CDS1: variants seen among roughly 807,000 people sequenced by gnomAD.
CDS1 encodes the protein CDP-diacylglycerol synthase 1, also known as phosphatidate cytidylyltransferase 1.
CDS1 carries 41 observed loss-of-function variants against 62.1 expected under a neutral mutation model. The observed-to-expected ratio is 0.66, with a 90% CI of 0.51 to 0.86. CDS1 has a LOEUF of 0.86. Ranked by LOEUF, CDS1 falls within the 40% of genes least tolerant of loss-of-function variation. The probability of loss-of-function intolerance (pLI) is 0.00; values close to 1 mark genes in which losing one functional copy is unlikely to be tolerated. For missense variants in CDS1, 470 were observed against 550.1 expected (o/e 0.85, Z 1.46); for synonymous variants, 185 against 192.6 (o/e 0.96, Z 0.32).
At chr4:84,642,112 GAT>G (rs1724402618) in intron 10 of CDS1, among the ~76,000 whole-genome samples, 1 of 152,174 alleles carries the variant, frequency 6.6e-6, no homozygotes, top group African/African-American at 2.4e-5. Context: ...TGGATCACCT[GAT>G]GCCAGGAGTT....
At chr4:84,612,574 C>G (rs756120597) in intron 3 of CDS1, among the ~76,000 whole-genome samples, 12 of 152,088 alleles carry the variant, frequency 7.9e-5, no homozygotes, top group Non-Finnish European at 1.3e-4. Context: ...TTAAGAGAAC[C>G]ATAAGTGTGC....
chr4:84,587,997 C>G (rs1444890150), intron 1 of CDS1, among the ~76,000 whole-genome samples: 1 of 152,184 alleles, frequency 6.6e-6, no homozygotes, highest in Non-Finnish European at 1.5e-5. Context: ...TCTACAGACA[C>G]AAATCTACCT....
At chr4:84,647,448 A>G (rs1486244378) in intron 12 of CDS1, among the ~76,000 whole-genome samples, 1 of 152,132 alleles carries the variant, frequency 6.6e-6, no homozygotes, top group Non-Finnish European at 1.5e-5. Flanking sequence ...AGCTATTTAG[A>G]CTGTTAGAAG....
chr4:84,592,730 C>A (rs1722630376), intron 1 of CDS1, among the ~76,000 whole-genome samples: 1 of 152,162 alleles, frequency 6.6e-6, no homozygotes, highest in African/African-American at 2.4e-5. Flanking sequence ...TTTTTGCAAA[C>A]AACGCAGCTA....
intron 5 of CDS1, among the ~76,000 whole-genome samples, chr4:84,623,602 A>C (rs1328471376): frequency 6.6e-6 from 1 of 152,284 alleles, no homozygotes. Flanking sequence ...GCTTCCCCTT[A>C]ATTTATTTTA....
intron 1 of CDS1, among the ~76,000 whole-genome samples, chr4:84,593,089 C>T (rs1722640830): frequency 6.6e-6 from 1 of 152,122 alleles, no homozygotes; most frequent in Admixed American, 6.5e-5. Flanking sequence ...ATTTTTTCAT[C>T]TACTTACTAT....
chr4:84,599,155 T>A (rs1020301678), intron 1 of CDS1, among the ~76,000 whole-genome samples: 1 of 152,074 alleles, frequency 6.6e-6, no homozygotes, highest in African/African-American at 2.4e-5. Context: ...CTGGGAGCCC[T>A]TTGCAGACAG....
Position 84,583,188 on chromosome 4 carries a change from G to A in CDS1, c.-214G>A. On this transcript the variant is annotated 5_prime_UTR_variant, in exon 1 of 13. Transcript: ENST00000295887. ...CGGGACCTCCGCCGGAGCCGCGCTC[G>A]CTGCAGGCGGCCTCGAGCGCTCTCT... 1 of 454,420 alleles carries A rather than the reference G, an allele frequency of 2.2e-6. No individual in the cohort carries two copies. Among genetic ancestry groups the A allele is most frequent in the Non-Finnish European group, 3.9e-6 (1 of 256,812 alleles). The allele number at this position is 454,420 out of a possible 1,614,324, so 28.1% of individuals were successfully genotyped here. A position where few individuals can be genotyped will look rare whatever the true frequency, so the allele number is the denominator to read the frequency against.
chr4:84,586,059 C>T (rs1722408567), intron 1 of CDS1, among the ~76,000 whole-genome samples: 1 of 152,006 alleles, frequency 6.6e-6, no homozygotes, highest in South Asian at 2.1e-4. Context: ...AGGCAAAGGA[C>T]GTGTTGGGTT....
intron 5 of CDS1, among the ~76,000 whole-genome samples, chr4:84,629,032 T>C (rs915578714): frequency 1.3e-5 from 2 of 152,214 alleles, no homozygotes; most frequent in Non-Finnish European, 1.5e-5. Flanking sequence ...GCCTTTTCAG[T>C]ACTTTTATTT....
chr4:84,642,341 A>G (rs190461281), intron 10 of CDS1, among the ~76,000 whole-genome samples: 14 of 152,250 alleles, frequency 9.2e-5, no homozygotes, highest in Admixed American at 9.2e-4. Context: ...AAAAAAAAAA[A>G]AAATTGGTGC....
chr4:84,629,059 T>C (rs1723940025), intron 5 of CDS1, among the ~76,000 whole-genome samples: 1 of 152,162 alleles, frequency 6.6e-6, no homozygotes, highest in African/African-American at 2.4e-5. Flanking sequence ...CTACAACACA[T>C]TCTGTGATTT....
chr4:84,584,206 T>G (rs573042266), intron 1 of CDS1, among the ~76,000 whole-genome samples: 65 of 152,336 alleles, frequency 4.3e-4, no homozygotes, highest in African/African-American at 1.5e-3. Flanking sequence ...TTCTTTCACA[T>G]TTAAGAATAA....
Position 84,643,383 on chromosome 4 carries a change from T to C in CDS1, c.1152+240T>C, listed in dbSNP as rs76341065. On this transcript the variant is annotated intron_variant, in intron 11 of 12. Coordinates refer to ENST00000295887, the MANE Select transcript of CDS1 (RefSeq NM_001263.4). ...GTCAGCTTCCTTTATAGACATGGCA[T>C]GTGTCCTTTAGTGTTGGAATAGACC... 5.2e-3 allele frequency among the ~76,000 whole-genome samples: 792 copies of C among 152,314 alleles called. 8 individuals are homozygous for C. The highest frequency in any genetic ancestry group is 0.018 in the African/African-American group (755 of 41,580).
At chr4:84,599,841 C>T (rs945841723) in intron 1 of CDS1, among the ~76,000 whole-genome samples, 2 of 151,970 alleles carry the variant, frequency 1.3e-5, no homozygotes, top group African/African-American at 2.4e-5. Context: ...CTACCATGAA[C>T]ATTTGTGCAC....
At chr4:84,634,152 A>G (rs551925010) in intron 7 of CDS1, among the ~76,000 whole-genome samples, 1 of 152,198 alleles carries the variant, frequency 6.6e-6, no homozygotes, top group Admixed American at 6.5e-5. Context: ...CAAGTTCCAA[A>G]TATAGGAAGT....
chr4:84,643,227 T>C (rs1724446310), intron 11 of CDS1, 84 bp downstream of exon 11: 2 of 1,378,440 alleles, frequency 1.5e-6, no homozygotes, highest in Non-Finnish European at 2.0e-6. Flanking sequence ...GCTCATGATC[T>C]ACATTAAGCC....
intron 5 of CDS1, among the ~76,000 whole-genome samples, chr4:84,619,760 C>A (rs574616128): frequency 2.0e-5 from 3 of 151,990 alleles, no homozygotes; most frequent in African/African-American, 7.2e-5. Context: ...AGGCCGGGTG[C>A]GGTGGCTCAC....
intron 1 of CDS1, among the ~76,000 whole-genome samples, chr4:84,597,683 G>T (rs900487554): frequency 6.6e-6 from 1 of 152,062 alleles, no homozygotes; most frequent in Non-Finnish European, 1.5e-5. Context: ...CATTGTAGAG[G>T]CCTTGAGCTT....
Sources: gnomAD v4.1 joint callset for allele counts (sites outside exome capture counted in the v4.1 genomes callset) on GRCh38, gnomAD v4.1.1 for gene constraint, MANE v1.5 for transcripts, NCBI Gene and HGNC (gene_info 2026-07-23, HGNC 2026-07-21) for gene names.